The following OPLAH variants were observed in gnomAD, a reference collection of about 807,000 sequenced individuals.
OPLAH encodes 5-oxoprolinase, ATP-hydrolysing.
A neutral mutation model predicts 122.8 loss-of-function variants in OPLAH; 103 were observed. The observed-to-expected ratio is 0.84, with a 90% CI of 0.71 to 0.99. The LOEUF is 0.99. OPLAH is among the 50% of genes least tolerant of loss of function. The pLI, the probability that OPLAH is intolerant of heterozygous loss-of-function variation, is 0.00. For synonymous variants in OPLAH, 875 were observed against 796.0 expected (o/e 1.10, Z -1.67); for missense variants, 1,902 against 1,836.5 (o/e 1.04, Z -0.65).
downstream of OPLAH, chr8:144,050,767 T>A: frequency 1.0e-6 from 1 of 986,696 alleles, no homozygotes; most frequent in Non-Finnish European, 1.2e-6. Flanking sequence ...AGGCTCTGGC[T>A]GATGCCGCCC....
upstream of OPLAH, among the ~76,000 whole-genome samples, chr8:144,062,134 C>T (rs1835673793): frequency 6.6e-6 from 1 of 152,180 alleles, no homozygotes; most frequent in Non-Finnish European, 1.5e-5. Flanking sequence ...TAGGCACTCG[C>T]CCTGAATTCT....
chr8:144,058,397 T>C lies in OPLAH; in HGVS notation c.791A>G (p.Gln264Arg). Residue 264 changes from glutamine (Q) to arginine (R), a missense_variant, in exon 7 of 27, where the codon CAG becomes CGG. This residue lies in a region of OPLAH where 1,726 missense variants were observed against 1,642.1 expected (regional missense o/e 1.05). Transcript: ENST00000618853. ...GCCATCGGAGCGCATGAACAACACC[T>C]GCACATCCTGCGAGCGGGCAGCAGG... ...RGFQGQLKDVQVLFMRSDGGL... is the reference protein window; with the variant it reads ...RGFQGQLKDVRVLFMRSDGGL... The C allele has an allele frequency of 6.3e-7, 1 of 1,589,526 alleles. No homozygotes were observed. The highest frequency in any genetic ancestry group is 8.5e-7 in the Non-Finnish European group (1 of 1,172,202).
In OPLAH at chr8:144,056,087, C is replaced by A. The variant is rs956913479; in HGVS notation, c.2096+60G>T. On this transcript the variant is annotated intron_variant, in intron 15 of 26. Coordinates refer to ENST00000618853, the MANE Select transcript of OPLAH (RefSeq NM_017570.5). ...TGCAGCCTTGGGCCAGAGAACCCTG[C>A]ACCAGGGGCCCCGCAGTGGACCCGT... 32 of 1,553,250 alleles carry A rather than the reference C, an allele frequency of 2.1e-5. No homozygotes were observed. In the Middle Eastern group the frequency reaches 6.3e-4, roughly 30 times the overall value.
At chr8:144,050,425 C>T (rs1396430825), downstream of OPLAH, 34 of 985,546 alleles carry the variant, frequency 3.4e-5, no homozygotes, top group Non-Finnish European at 3.9e-5. Flanking sequence ...CAGCGTGCTC[C>T]TGGGCGACCT....
chr8:144,056,423 C>T lies in OPLAH; in HGVS notation c.1945G>A (p.Ala649Thr), dbSNP rs1330352987. 1.9e-6 allele frequency: 3 copies of T among 1,608,958 alleles called. No homozygotes were observed. The highest frequency in any genetic ancestry group is 1.7e-6 in the Non-Finnish European group (2 of 1,178,406). The change falls in exon 14 of 27, where the codon GCC (alanine) becomes ACC (threonine). Residue 649 changes from alanine to threonine, a missense_variant. Coordinates refer to ENST00000618853, the MANE Select transcript of OPLAH (RefSeq NM_017570.5). Reference protein sequence around the residue: ...TGRSGLRLEDAPKAQTGPPRV... With the variant: ...TGRSGLRLEDTPKAQTGPPRV... ...GGAGGCCCGGTCTGGGCTTTGGGGGCATCCTCGAGGCGAAGACCACTGCGG... is the reference window on the plus strand; with the variant it reads ...GGAGGCCCGGTCTGGGCTTTGGGGGTATCCTCGAGGCGAAGACCACTGCGG...
chr8:144,054,636 AG>A lies in OPLAH; in HGVS notation c.2610del (p.Ser871ProfsTer27). The part of the protein sequence containing the change: ...GGITPGSMPP[H>X]STMLQQEGAV... ...GCACCCTCCTGTTGCAGCATGGTGG[AG>A]TGGGGGGGCATGGAGCCTGGTGTGA... On this transcript the variant is annotated frameshift_variant, in exon 19 of 27. Transcript: ENST00000618853. LOFTEE classifies it high-confidence loss of function. The A allele has an allele frequency of 6.2e-7, 1 of 1,611,392 alleles. No homozygotes were observed. Among genetic ancestry groups the A allele is most frequent in the South Asian group, 1.1e-5 (1 of 91,054 alleles).
At chr8:144,062,370 A>C (rs927435149), upstream of OPLAH, among the ~76,000 whole-genome samples, 1 of 151,922 alleles carries the variant, frequency 6.6e-6, no homozygotes, top group Non-Finnish European at 1.5e-5. Context: ...CCCCATGCCC[A>C]TGGACCTCCT....
Position 144,053,532 on chromosome 8 carries a change from GC to G in OPLAH, c.2687-140del, listed in dbSNP as rs1446743118. The G allele has an allele frequency of 3.7e-5, 30 of 815,244 alleles. No individual in the cohort carries two copies. In the East Asian group the frequency reaches 7.4e-4, roughly 20 times the overall value. 50.5% of individuals were successfully genotyped at this position (815,244 alleles called of 1,614,324 possible). On this transcript the variant is annotated intron_variant, in intron 19 of 26. Coordinates refer to ENST00000618853, the MANE Select transcript of OPLAH (RefSeq NM_017570.5). Reference sequence around the variant, plus strand: ...TGGGACTGCTCAGCACCTCAGGAAAGCCCCTCTCCTTGAGCCTGGCTCAGGG... The same window carrying G: ...TGGGACTGCTCAGCACCTCAGGAAAGCCCTCTCCTTGAGCCTGGCTCAGGG...
rs1564287697 is a variant in OPLAH, at chr8:144,052,225, AC to A, written c.3404del (p.Gly1135ValfsTer6). ...GTGTGTTGGTCATGTGGCTGTGCAC[AC>A]CGCTGCGCCCGTGCCAGCTGGGACC... ...GAGPSWHGRS[G>X]VHSHMTNTRI... On this transcript the variant is annotated frameshift_variant, in exon 24 of 27. Transcript: ENST00000618853. LOFTEE classifies it high-confidence loss of function. The A allele has an allele frequency of 6.4e-7, 1 of 1,571,452 alleles. No homozygotes were observed. The highest frequency in any genetic ancestry group is 8.6e-7 in the Non-Finnish European group (1 of 1,164,294).
At chr8:144,062,750 C>T (rs1835684100), upstream of OPLAH, among the ~76,000 whole-genome samples, 2 of 144,752 alleles carry the variant, frequency 1.4e-5, no homozygotes, top group Admixed American at 6.7e-5. Context: ...TCACTGCCCT[C>T]CACCATCCCC....
Position 144,058,073 on chromosome 8 carries a change from AG to A in OPLAH, c.1024del (p.Leu342SerfsTer48). Reference protein sequence around the residue: ...VFEASTAGVTLQAPQLDINTV... With the variant: ...VFEASTAGVTXQAPQLDINTV... ...GTTGATGTCCAGCTGCGGGGCCTGGAGGGTGACGCCAGCTGTGCTGGCCTCG... is the reference window on the plus strand; with the variant it reads ...GTTGATGTCCAGCTGCGGGGCCTGGAGGTGACGCCAGCTGTGCTGGCCTCG... On this transcript the variant is annotated frameshift_variant, in exon 8 of 27. Coordinates refer to ENST00000618853, the MANE Select transcript of OPLAH (RefSeq NM_017570.5). LOFTEE classifies it high-confidence loss of function. 1 of 1,612,376 alleles carries A rather than the reference AG, an allele frequency of 6.2e-7. No individual in the cohort carries two copies. The highest frequency in any genetic ancestry group is 8.5e-7 in the Non-Finnish European group (1 of 1,179,762).
Position 144,055,857 on chromosome 8 carries a change from CG to C in OPLAH, c.2178del (p.Gly727AlafsTer20). ...GGGTCCAGCTGGGGGCCCACTGTGC[CG>C]GGGACTTCGGCCCCCACGGAGATGC... ...DICISVGAEV[P>X]GTVGPQLDPI... On this transcript the variant is annotated frameshift_variant, in exon 16 of 27. Transcript: ENST00000618853. LOFTEE classifies it high-confidence loss of function. The surrounding 1 kb of genome is among the most constrained non-coding windows in gnomAD (Gnocchi z 6.5). 7.6e-6 allele frequency: 12 copies of C among 1,577,626 alleles called. No homozygotes were observed. The highest frequency in any genetic ancestry group is 1.0e-5 in the Non-Finnish European group (12 of 1,162,364).
chr8:144,062,674 C>T (rs1835682565), upstream of OPLAH, among the ~76,000 whole-genome samples: 1 of 150,374 alleles, frequency 6.7e-6, no homozygotes, highest in Admixed American at 6.6e-5. Context: ...CCCACACCCC[C>T]ACCATCTGCT....
downstream of OPLAH, chr8:144,050,478 C>A (rs1419573653): frequency 1.0e-6 from 1 of 985,470 alleles, no homozygotes; most frequent in African/African-American, 1.7e-5. Context: ...GAGAGGAGGG[C>A]GAGGAGGGGC....
chr8:144,054,338 G>A (rs1016239675), intron 19 of OPLAH, among the ~76,000 whole-genome samples: 4 of 152,088 alleles, frequency 2.6e-5, no homozygotes, highest in Non-Finnish European at 4.4e-5. Context: ...CTCTCCACCC[G>A]CAAAACCACC....
In OPLAH at chr8:144,057,570, C is replaced by T. The variant is rs536115347; in HGVS notation, c.1300G>A (p.Val434Ile). ...RKALEAVATE[V>I]NSFLTNGPCP... ...GGCCCGTTGGTCAGGAAGCTGTTGA[C>T]CTCAGTGGCCACAGCCTCCAGGGCT... is the stretch of plus-strand genomic sequence containing the variant. The change falls in exon 10 of 27, where the codon GTC becomes ATC. Residue 434 changes from valine to isoleucine, a missense_variant. Val to Ile is a conservative substitution (Grantham distance 29). Transcript: ENST00000618853. 3.0e-5 allele frequency: 48 copies of T among 1,583,360 alleles called. No homozygotes were observed. The East Asian group carries it at 8.5e-4, about 28-fold the overall frequency.
Position 144,053,347 on chromosome 8 carries a change from G to T in OPLAH, c.2733C>A (p.Ser911Arg). The change falls in exon 20 of 27, where the codon AGC becomes AGA. Residue 911 changes from serine (S) to arginine (R), a missense_variant. Physicochemically the swap from Ser to Arg is moderately radical, Grantham distance 110. Coordinates refer to ENST00000618853, the MANE Select transcript of OPLAH (RefSeq NM_017570.5). ...GGTTGTCGTGCAGGTTTCTGGTTCCGCTGCAGTTGGGGACCTTGCCTGGCG... is the reference window on the plus strand; with the variant it reads ...GGTTGTCGTGCAGGTTTCTGGTTCCTCTGCAGTTGGGGACCTTGCCTGGCG... Reference protein sequence around the residue: ...LRAPGKVPNCSGTRNLHDNLS... With the variant: ...LRAPGKVPNCRGTRNLHDNLS... The T allele has an allele frequency of 6.2e-7, 1 of 1,612,686 alleles. No homozygotes were observed. The highest frequency in any genetic ancestry group is 8.5e-7 in the Non-Finnish European group (1 of 1,179,762).
chr8:144,062,865 C>G (rs181260579), upstream of OPLAH, among the ~76,000 whole-genome samples: 747 of 152,054 alleles, frequency 4.9e-3, 6 homozygotes, highest in South Asian at 0.03. Flanking sequence ...ATCCCACTGC[C>G]GTGCACCTCC....
At position 144,051,920 on chromosome 8, in the gene OPLAH, G is replaced by A; in HGVS notation, c.3618C>T (p.Leu1206=). Residue 1206 remains leucine, a synonymous_variant, in exon 25 of 27, where the codon CTC becomes CTT. Coordinates refer to ENST00000618853, the MANE Select transcript of OPLAH (RefSeq NM_017570.5). The part of the protein sequence containing the change: ...TERRAFRPYG[L]HGGEPGARGL... ...GAGGGCTGGGGAACCGCGCACCGTG[G>A]AGCCCGTATGGCCGGAAGGCGCGGC... 3 of 1,533,514 alleles carry A rather than the reference G, an allele frequency of 2.0e-6. No individual in the cohort carries two copies. The highest frequency in any genetic ancestry group is 2.4e-5 in the South Asian group (2 of 84,146). The allele number at this position is 1,533,514 out of a possible 1,614,324, so 95.0% of individuals were successfully genotyped here. A position where few individuals can be genotyped will look rare whatever the true frequency, so the allele number is the denominator to read the frequency against.
Sources: gnomAD v4.1 joint callset for allele counts (sites outside exome capture counted in the v4.1 genomes callset) on GRCh38, gnomAD v4.1.1 for gene constraint, gnomAD v4.1.1 regional missense constraint, Gnocchi (gnomAD v3.1) non-coding constraint, MANE v1.5 for transcripts, NCBI Gene and HGNC (gene_info 2026-07-23, HGNC 2026-07-21) for gene names.